The following RADIL variants were observed in gnomAD, a reference collection of about 807,000 sequenced individuals.
RADIL encodes the protein Rap associating with DIL domain, also known as ras-associating and dilute domain-containing protein.
RADIL carries 99 observed loss-of-function variants against 97.6 expected under a neutral mutation model. The ratio of observed to expected loss-of-function variants is 1.01; its 90% CI spans 0.86 to 1.20. RADIL has a LOEUF of 1.20. Ranked by LOEUF, RADIL falls within the 50% of genes most tolerant of loss-of-function variation. The pLI is 0.00. For missense variants in RADIL, 1,765 were observed against 1,498.9 expected (o/e 1.18, Z -2.93); for synonymous variants, 803 against 691.8 (o/e 1.16, Z -2.52).
chr7:4,803,152 T>TGGC (rs1782169978), intron 11 of RADIL, among the ~76,000 whole-genome samples: 1 of 36,546 alleles, frequency 2.7e-5, no homozygotes, highest in Admixed American at 2.5e-4. Context: ...TCTGGCTGGG[T>TGGC]CCCCTCCCCG....
At chr7:4,832,932 T>C (rs1783188807) in intron 4 of RADIL, among the ~76,000 whole-genome samples, 1 of 152,136 alleles carries the variant, frequency 6.6e-6, no homozygotes, top group African/African-American at 2.4e-5. Flanking sequence ...GCATGGGATC[T>C]GGACAGCACC....
At position 4,840,713 on chromosome 7, in the gene RADIL, A is replaced by C. The variant is rs1211464844; in HGVS notation, c.536-4108T>G. Among the ~76,000 whole-genome samples, 7 of 152,204 alleles carry C rather than the reference A, an allele frequency of 4.6e-5. No homozygotes were observed. Among genetic ancestry groups the C allele is most frequent in the African/African-American group, 7.2e-5 (3 of 41,442 alleles). On this transcript the variant is annotated intron_variant, in intron 2 of 14. Coordinates refer to ENST00000399583, the MANE Select transcript of RADIL (RefSeq NM_018059.5). This position sits in a 1 kb window ranked among gnomAD's most constrained non-coding sequence, Gnocchi z 5.6. ...GCCGGGCGCGGTGGCTCACGCCTGT[A>C]ATCCCAGCACTTTGGGAGGCCGAGG...
chr7:4,817,438 G>T lies in RADIL; in HGVS notation c.1616-87C>A. ...CAGCCAGCCGCCAGCTCTTTCCCTG[G>T]CGCGGGCACCACCCAACGCGCCCAT... On this transcript the variant is annotated intron_variant, in intron 6 of 14. Transcript: ENST00000399583. This position sits in a 1 kb window ranked among gnomAD's most constrained non-coding sequence, Gnocchi z 8.3. 1 of 1,218,806 alleles carries T rather than the reference G, an allele frequency of 8.2e-7. No homozygotes were observed. Among genetic ancestry groups the T allele is most frequent in the Non-Finnish European group, 1.1e-6 (1 of 871,282 alleles). The allele number at this position is 1,218,806 out of a possible 1,614,324, so 75.5% of individuals were successfully genotyped here.
chr7:4,833,471 A>G (rs758025229), intron 4 of RADIL, among the ~76,000 whole-genome samples: 1 of 152,116 alleles, frequency 6.6e-6, no homozygotes, highest in Non-Finnish European at 1.5e-5. Context: ...ACTCCCATCA[A>G]ATCCCAAGCC....
Position 4,861,366 on chromosome 7 carries a change from C to G in RADIL, c.535+16239G>C. 6.2e-7 allele frequency: 1 copy of G among 1,614,164 alleles called. No homozygotes were observed. Among genetic ancestry groups the G allele is most frequent in the Non-Finnish European group, 8.5e-7 (1 of 1,179,978 alleles). On this transcript the variant is annotated intron_variant, in intron 2 of 14. Coordinates refer to ENST00000399583, the MANE Select transcript of RADIL (RefSeq NM_018059.5). ...ACTGGCACAAATGCCTCCTCGACAG[C>G]CCTTAAATCTTTCACTTCCTCCTGT...
At chr7:4,820,862 A>G (rs542613095) in intron 6 of RADIL, among the ~76,000 whole-genome samples, 12 of 152,260 alleles carry the variant, frequency 7.9e-5, no homozygotes, top group African/African-American at 2.9e-4. Context: ...CACTGTGCAG[A>G]TGCCCCGCCA....
At position 4,847,766 on chromosome 7, in the gene RADIL, A is replaced by C. The variant is rs969421245; in HGVS notation, c.536-11161T>G. 3.1e-3 allele frequency among the ~76,000 whole-genome samples: 428 copies of C among 138,572 alleles called. 5 individuals carry two copies. The highest frequency in any genetic ancestry group is 0.01 in the African/African-American group (383 of 36,562). 90.9% of individuals were successfully genotyped at this position (138,572 alleles called of 152,430 possible). A position where few individuals can be genotyped will look rare whatever the true frequency, so the allele number is the denominator to read the frequency against. ...AAAAAAAAAAAAAAAAAAAAAAAAA[A>C]CACACAGGTATGACTCTATATATAC... On this transcript the variant is annotated intron_variant, in intron 2 of 14. Coordinates refer to ENST00000399583, the MANE Select transcript of RADIL (RefSeq NM_018059.5).
rs570618577 is a variant in RADIL at position 4,840,881 on chromosome 7, G to T, written c.536-4276C>A. 5.9e-5 allele frequency among the ~76,000 whole-genome samples: 9 copies of T among 152,178 alleles called. No homozygotes were observed. In the South Asian group the frequency reaches 1.5e-3, roughly 25 times the overall value. On this transcript the variant is annotated intron_variant, in intron 2 of 14. Coordinates refer to ENST00000399583, the MANE Select transcript of RADIL (RefSeq NM_018059.5). The surrounding 1 kb of genome is among the most constrained non-coding windows in gnomAD (Gnocchi z 5.6). ...ACTCGAGAGGCTGAGGCAGGAGAAT[G>T]GCTTGAACCCAGGAGGTGGAGGTTG...
At chr7:4,806,904 G>A (rs1178328716) in intron 9 of RADIL, among the ~76,000 whole-genome samples, 1 of 152,182 alleles carries the variant, frequency 6.6e-6, no homozygotes, top group Non-Finnish European at 1.5e-5. Context: ...GGTCTGCCTT[G>A]TACTGATTCT....
Position 4,799,697 on chromosome 7 carries a change from G to A in RADIL, c.3055C>T (p.Arg1019Cys), listed in dbSNP as rs758818400. 1.3e-5 allele frequency: 21 copies of A among 1,577,866 alleles called. No individual in the cohort carries two copies. Among genetic ancestry groups the A allele is most frequent in the African/African-American group, 6.7e-5 (5 of 74,352 alleles). ...LPGSPAAADG[R>C]LSLGDRILEV... Reference sequence around the variant, plus strand: ...AGGATACGGTCCCCCAGCGACAGGCGCCCGTCGGCCGCTGCGGGGCTGCCC... The same window carrying A: ...AGGATACGGTCCCCCAGCGACAGGCACCCGTCGGCCGCTGCGGGGCTGCCC... The change falls in exon 14 of 15, where the codon CGC becomes TGC. Residue 1019 changes from arginine to cysteine, a missense_variant. Arg to Cys is a radical substitution (Grantham distance 180). Transcript: ENST00000399583.
Position 4,818,782 on chromosome 7 carries a change from T to A in RADIL, c.1616-1431A>T, listed in dbSNP as rs1042211197. Among the ~76,000 whole-genome samples, 3 of 152,052 alleles carry A rather than the reference T, an allele frequency of 2.0e-5. No individual in the cohort carries two copies. Among genetic ancestry groups the A allele is most frequent in the Non-Finnish European group, 4.4e-5 (3 of 68,004 alleles). On this transcript the variant is annotated intron_variant, in intron 6 of 14. Coordinates refer to ENST00000399583, the MANE Select transcript of RADIL (RefSeq NM_018059.5). This position sits in a 1 kb window ranked among gnomAD's most constrained non-coding sequence, Gnocchi z 7.1. ...GAGAACCCAGCCCCACATCACTCCC[T>A]GGGCAGGGGCGGGGCACTGGTGGGA...
In RADIL at chr7:4,818,772, C is replaced by T. The variant is rs919890242; in HGVS notation, c.1616-1421G>A. On this transcript the variant is annotated intron_variant, in intron 6 of 14. Coordinates refer to ENST00000399583, the MANE Select transcript of RADIL (RefSeq NM_018059.5). The surrounding 1 kb of genome is among the most constrained non-coding windows in gnomAD (Gnocchi z 7.1). ...TGCCAGGTCTGAGAACCCAGCCCCACATCACTCCCTGGGCAGGGGCGGGGC... is the reference window on the plus strand; with the variant it reads ...TGCCAGGTCTGAGAACCCAGCCCCATATCACTCCCTGGGCAGGGGCGGGGC... 6.6e-6 allele frequency among the ~76,000 whole-genome samples: 1 copy of T among 152,174 alleles called. No homozygotes were observed. Among genetic ancestry groups the T allele is most frequent in the African/African-American group, 2.4e-5 (1 of 41,444 alleles).
At position 4,879,714 on chromosome 7, in the gene RADIL, G is replaced by A. The variant is rs1254403008; in HGVS notation, c.-64-1511C>T. ...GCCTAGGGCCACAGAAAGCAACCAG[G>A]GAACCCCTCCAAAGAAAAGGAGCCA... On this transcript the variant is annotated intron_variant, in intron 1 of 14. Coordinates refer to ENST00000399583, the MANE Select transcript of RADIL (RefSeq NM_018059.5). The surrounding 1 kb of genome is among the most constrained non-coding windows in gnomAD (Gnocchi z 4.1). 4.6e-5 allele frequency among the ~76,000 whole-genome samples: 7 copies of A among 152,188 alleles called. No homozygotes were observed. The highest frequency in any genetic ancestry group is 8.8e-5 in the Non-Finnish European group (6 of 68,034).
At position 4,836,553 on chromosome 7, in the gene RADIL, C is replaced by A; in HGVS notation, c.588G>T (p.Pro196=). 1 of 1,607,828 alleles carries A rather than the reference C, an allele frequency of 6.2e-7. No homozygotes were observed. Among genetic ancestry groups the A allele is most frequent in the Non-Finnish European group, 8.5e-7 (1 of 1,179,498 alleles). Residue 196 remains proline (P), a synonymous_variant, in exon 3 of 15, where the codon CCG becomes CCT. Transcript: ENST00000399583. The part of the protein sequence containing the change: ...RLQRSRAKGT[P]TPALGDARSS... Reference sequence around the variant, plus strand: ...TCCGGGCATCCCCCAGGGCCGGGGTCGGGGTTCCCTTCGCGCGACTCCGCT... The same window carrying A: ...TCCGGGCATCCCCCAGGGCCGGGGTAGGGGTTCCCTTCGCGCGACTCCGCT...
chr7:4,863,071 C>G (rs55893384), intron 2 of RADIL, among the ~76,000 whole-genome samples: 2 of 152,184 alleles, frequency 1.3e-5, no homozygotes, highest in East Asian at 1.9e-4. Flanking sequence ...CATCTAGACA[C>G]GTTGTCAACC....
Position 4,799,787 on chromosome 7 carries a change from C to T in RADIL, c.2983-18G>A. On this transcript the variant is annotated intron_variant, in intron 13 of 14. Coordinates refer to ENST00000399583, the MANE Select transcript of RADIL (RefSeq NM_018059.5). ...TGCGTGTGCTGGGGACAAGCAGAGG[C>T]CTCAGAGCTCCGCAGGCCCGACTGG... The T allele has an allele frequency of 1.3e-6, 2 of 1,500,356 alleles. No homozygotes were observed. Among genetic ancestry groups the T allele is most frequent in the Non-Finnish European group, 8.9e-7 (1 of 1,128,698 alleles). The allele number at this position is 1,500,356 out of a possible 1,614,324, so 92.9% of individuals were successfully genotyped here. A position where few individuals can be genotyped will look rare whatever the true frequency, so the allele number is the denominator to read the frequency against.
At chr7:4,827,933 A>G (rs1287979334) in intron 5 of RADIL, among the ~76,000 whole-genome samples, 1 of 152,134 alleles carries the variant, frequency 6.6e-6, no homozygotes, top group Non-Finnish European at 1.5e-5. Context: ...AACGTAGACC[A>G]GTTTTACCGA....
At chr7:4,861,491 C>T in intron 2 of RADIL, 1 of 1,614,110 alleles carries the variant, frequency 6.2e-7, no homozygotes, top group South Asian at 1.1e-5. Flanking sequence ...CGTATGTACT[C>T]CTAATCTGTA....
In RADIL at chr7:4,860,997, T is replaced by G. The variant is rs757457713; in HGVS notation, c.535+16608A>C. On this transcript the variant is annotated intron_variant, in intron 2 of 14. Transcript: ENST00000399583. Reference sequence around the variant, plus strand: ...CATTCTGAAAATACCAAGAAGAATTTCCGTACAAGAGTTGACGCTACTGCA... The same window carrying G: ...CATTCTGAAAATACCAAGAAGAATTGCCGTACAAGAGTTGACGCTACTGCA... The G allele has an allele frequency of 3.1e-6, 5 of 1,614,222 alleles. No homozygotes were observed. The South Asian group carries it at 5.5e-5, about 18-fold the overall frequency.
Sources: gnomAD v4.1 joint callset for allele counts (sites outside exome capture counted in the v4.1 genomes callset) on GRCh38, gnomAD v4.1.1 for gene constraint, Gnocchi (gnomAD v3.1) non-coding constraint, MANE v1.5 for transcripts, NCBI Gene and HGNC (gene_info 2026-07-23, HGNC 2026-07-21) for gene names.